Variants in SLC8A3 observed in about 807,000 individuals in gnomAD.
SLC8A3 encodes sodium/calcium exchanger 3.
Under a neutral mutation model 65.4 loss-of-function variants are expected in SLC8A3, and 37 were observed. The ratio of observed to expected loss-of-function variants is 0.57; its 90% confidence interval spans 0.44 to 0.74. SLC8A3 has a LOEUF of 0.74. Among genes scored for constraint, SLC8A3 ranks in the 30% least tolerant of loss-of-function variants. SLC8A3 has a pLI of 0.00. For missense variants in SLC8A3, 1,112 were observed against 1,172.1 expected, an observed-to-expected ratio of 0.95 and a Z score of 0.75; for synonymous variants, 461 against 444.5, an observed-to-expected ratio of 1.04 and a Z score of -0.47.
chr14:70,050,009 C>T (rs765924200), intron 5 of SLC8A3, among the ~76,000 whole-genome samples: 20 of 152,318 alleles, frequency 1.3e-4, no homozygotes, highest in South Asian at 4.1e-4. Context: ...TTGGCATAAC[C>T]GGTAGAAGCT....
intron 1 of SLC8A3, among the ~76,000 whole-genome samples, chr14:70,171,371 T>C (rs562897500): frequency 2.0e-5 from 3 of 152,354 alleles, no homozygotes; most frequent in African/African-American, 2.4e-5. Flanking sequence ...TGACGGTCTT[T>C]GTTTTCCTTT....
chr14:70,145,326 TC>T (rs1245356173), intron 2 of SLC8A3, among the ~76,000 whole-genome samples: 2 of 152,206 alleles, frequency 1.3e-5, no homozygotes, highest in Admixed American at 6.5e-5. Flanking sequence ...AACCTTCAGT[TC>T]CAATCACTCT....
chr14:70,155,993 T>C (rs1256725841), intron 2 of SLC8A3, among the ~76,000 whole-genome samples: 1 of 152,234 alleles, frequency 6.6e-6, no homozygotes, highest in Non-Finnish European at 1.5e-5. Context: ...ATAATATCAC[T>C]AGCTATCTTT....
intron 2 of SLC8A3, among the ~76,000 whole-genome samples, chr14:70,096,096 G>T (rs1051909760): frequency 2.0e-5 from 3 of 152,070 alleles, no homozygotes; most frequent in Non-Finnish European, 4.4e-5. Flanking sequence ...TGGTCAGGCT[G>T]GTCTTGAACT....
chr14:70,093,075 C>A (rs1891914356), intron 2 of SLC8A3, among the ~76,000 whole-genome samples: 1 of 152,176 alleles, frequency 6.6e-6, no homozygotes, highest in South Asian at 2.1e-4. Context: ...AAGCACATGT[C>A]ATAATGTGAC....
At chr14:70,079,857 T>C (rs1240245109) in intron 2 of SLC8A3, 1 of 153,152 alleles carries the variant, frequency 6.5e-6, no homozygotes, top group Non-Finnish European at 1.5e-5. Context: ...CTTGCACCTG[T>C]CCCTGTGGTA....
At chr14:70,088,868 C>T (rs557460103) in intron 2 of SLC8A3, among the ~76,000 whole-genome samples, 11 of 152,304 alleles carry the variant, frequency 7.2e-5, no homozygotes, top group Non-Finnish European at 8.8e-5. Context: ...GGAACCAGAT[C>T]CTGTTCTTTT....
At chr14:70,059,876 G>C (rs1888581379) in intron 3 of SLC8A3, among the ~76,000 whole-genome samples, 1 of 152,024 alleles carries the variant, frequency 6.6e-6, no homozygotes, top group East Asian at 1.9e-4. Flanking sequence ...TCCTTTTCTG[G>C]GGCCCCTGGC....
At chr14:70,152,308 C>A (rs750176024) in intron 2 of SLC8A3, among the ~76,000 whole-genome samples, 2 of 152,214 alleles carry the variant, frequency 1.3e-5, no homozygotes, top group Non-Finnish European at 2.9e-5. Context: ...ATCCCGCCAA[C>A]ACCTCCACCA....
intron 2 of SLC8A3, among the ~76,000 whole-genome samples, chr14:70,148,677 T>C (rs1157786962): frequency 6.6e-6 from 1 of 152,158 alleles, no homozygotes; most frequent in Non-Finnish European, 1.5e-5. Flanking sequence ...ATGAAACACA[T>C]AAAATTGCCG....
At chr14:70,146,650 T>C (rs1441668847) in intron 2 of SLC8A3, among the ~76,000 whole-genome samples, 1 of 152,246 alleles carries the variant, frequency 6.6e-6, no homozygotes, top group African/African-American at 2.4e-5. Context: ...TGCATATTCA[T>C]AGCTGAAGTG....
At chr14:70,174,662 GT>G (rs10527244) in intron 1 of SLC8A3, among the ~76,000 whole-genome samples, 15,426 of 66,444 alleles carry the variant, frequency 0.23, 1,949 homozygotes, top group Admixed American at 0.33. Flanking sequence ...TTTTTTTTTT[GT>G]TTTTTTTTTT....
intron 5 of SLC8A3, among the ~76,000 whole-genome samples, chr14:70,049,851 C>G (rs375647431): frequency 6.6e-6 from 1 of 152,190 alleles, no homozygotes; most frequent in African/African-American, 2.4e-5. Flanking sequence ...AGCCAGTGCC[C>G]TCCTCCAAAC....
chr14:70,160,739 G>A (rs1896832256), intron 2 of SLC8A3, among the ~76,000 whole-genome samples: 2 of 152,002 alleles, frequency 1.3e-5, no homozygotes, highest in African/African-American at 4.8e-5. Context: ...TAACCAGGAG[G>A]GCTCTGGACT....
Position 70,166,965 on chromosome 14 carries a change from A to G in SLC8A3, c.1458T>C (p.Asn486=). The G allele has an allele frequency of 1.2e-6, 2 of 1,614,174 alleles. No individual in the cohort carries two copies. The highest frequency in any genetic ancestry group is 1.1e-5 in the South Asian group (1 of 91,082). Residue 486 remains asparagine (N), a synonymous_variant, in exon 2 of 7, where the codon AAT becomes AAC. Transcript: ENST00000356921. ...EDEHFFVRLS[N]VRIEEEQPEE... ...CTGGCTGCTCCTCCTCTATGCGGAC[A>G]TTGCTCAACCTTACAAAGAAGTGTT...
Position 70,073,382 on chromosome 14 carries a change from C to T in SLC8A3, c.1785-12443G>A, listed in dbSNP as rs148295476. On this transcript the variant is annotated intron_variant, in intron 2 of 6. Coordinates refer to ENST00000356921, the MANE Select transcript of SLC8A3 (RefSeq NM_182932.3). ...CAGTTACTTACAGCTCCATTTGGGC[C>T]CCAAGTTTGTCCTGACTCACTTCAA... Among the ~76,000 whole-genome samples the T allele has an allele frequency of 2.3e-3, 348 of 152,218 alleles. 3 individuals are homozygous for T. The highest frequency in any genetic ancestry group is 8.0e-3 in the African/African-American group (332 of 41,530).
chr14:70,166,020 C>G (rs1897141590), intron 2 of SLC8A3, among the ~76,000 whole-genome samples: 1 of 152,194 alleles, frequency 6.6e-6, no homozygotes, highest in Non-Finnish European at 1.5e-5. Flanking sequence ...CTAGGCTGGG[C>G]AAGCCTCACA....
intron 2 of SLC8A3, among the ~76,000 whole-genome samples, chr14:70,133,848 A>G (rs986414456): frequency 3.9e-5 from 6 of 152,204 alleles, no homozygotes; most frequent in Non-Finnish European, 7.3e-5. Context: ...TGTTGGGTCA[A>G]TGGTGGGTTT....
intron 2 of SLC8A3, among the ~76,000 whole-genome samples, chr14:70,118,592 G>A (rs1355210772): frequency 6.6e-6 from 1 of 152,164 alleles, no homozygotes; most frequent in Admixed American, 6.5e-5. Context: ...TTTGCTAGTG[G>A]CAAATATTAA....
Sources: gnomAD v4.1 joint callset for allele counts (sites outside exome capture counted in the v4.1 genomes callset) on GRCh38, gnomAD v4.1.1 for gene constraint, MANE v1.5 for transcripts, NCBI Gene and HGNC (gene_info 2026-07-23, HGNC 2026-07-21) for gene names.